The following BBOX1 variants were observed in gnomAD, a reference collection of about 807,000 sequenced individuals.
The protein encoded by BBOX1 is gamma-butyrobetaine hydroxylase 1, also known as gamma-butyrobetaine dioxygenase.
Under a neutral mutation model 41.6 loss-of-function variants are expected in BBOX1, and 35 were observed. The observed-to-expected ratio is 0.84, with a 90% CI of 0.64 to 1.11. The LOEUF (loss-of-function observed/expected upper bound fraction) is 1.11. Among genes scored for constraint, BBOX1 ranks in the 50% most tolerant of loss-of-function variants. The pLI, the probability that BBOX1 is intolerant of heterozygous loss-of-function variation, is 0.00. For synonymous variants in BBOX1, 163 were observed against 154.7 expected (o/e 1.05, Z -0.40); for missense variants, 458 against 460.6 (o/e 0.99, Z 0.05).
At chr11:27,079,707 A>G (rs753847117) in intron 4 of BBOX1, among the ~76,000 whole-genome samples, 7 of 152,110 alleles carry the variant, frequency 4.6e-5, no homozygotes, top group Non-Finnish European at 8.8e-5. Context: ...TTGAAACAAT[A>G]AGGAAAAAAA....
intron 2 of BBOX1, among the ~76,000 whole-genome samples, chr11:27,050,727 AG>A (rs1375006533): frequency 6.6e-6 from 1 of 152,102 alleles, no homozygotes; most frequent in Non-Finnish European, 1.5e-5. Context: ...TAGTTCTAAA[AG>A]TTTTTTCTGC....
intron 5 of BBOX1, among the ~76,000 whole-genome samples, chr11:27,105,468 C>T (rs537643202): frequency 1.4e-4 from 22 of 151,998 alleles, no homozygotes; most frequent in Non-Finnish European, 2.8e-4. Flanking sequence ...GTTGCAAATT[C>T]GATCAACTGG....
chr11:27,059,744 T>A (rs1357645120), intron 4 of BBOX1, among the ~76,000 whole-genome samples: 1 of 152,214 alleles, frequency 6.6e-6, no homozygotes, highest in Non-Finnish European at 1.5e-5. Flanking sequence ...GAGATAATTT[T>A]GGAGCCTTAA....
chr11:27,106,940 A>G (rs138308714), intron 5 of BBOX1, among the ~76,000 whole-genome samples: 1,628 of 152,296 alleles, frequency 0.011, 33 homozygotes, highest in African/African-American at 0.037. Context: ...AAACTCACTC[A>G]AAACCACTCA....
chr11:27,075,680 G>C (rs972872230), intron 4 of BBOX1, among the ~76,000 whole-genome samples: 7 of 152,162 alleles, frequency 4.6e-5, no homozygotes, highest in Non-Finnish European at 1.0e-4. Flanking sequence ...ATTCCAAGTA[G>C]AGTTGAATAT....
In BBOX1 at chr11:27,055,503, G is replaced by A. The variant is rs1487934961; in HGVS notation, c.73G>A (p.Glu25Lys). 6.2e-7 allele frequency: 1 copy of A among 1,614,074 alleles called. No homozygotes were observed. Among genetic ancestry groups the A allele is most frequent in the East Asian group, 2.2e-5 (1 of 44,874 alleles). Residue 25 changes from glutamate (E) to lysine (K), a missense_variant, in exon 3 of 9, where the codon GAA (glutamate) becomes AAA (lysine). By Grantham distance (56) the Glu-to-Lys change is moderately conservative. Transcript: ENST00000263182. ...GATGCAGATCCTCTGGTATGATGAG[G>A]AAGAGTCTCTCTACCCAGCTGTATG... Reference protein sequence around the residue: ...HLMQILWYDEEESLYPAVWLR... With the variant: ...HLMQILWYDEKESLYPAVWLR...
chr11:27,120,729 T>C (rs1360689174), intron 7 of BBOX1, among the ~76,000 whole-genome samples: 3 of 152,128 alleles, frequency 2.0e-5, no homozygotes, highest in Non-Finnish European at 4.4e-5. Flanking sequence ...GGGGGTATAA[T>C]TTTAGAATTT....
At chr11:27,078,273 A>T (rs1200678214) in intron 4 of BBOX1, among the ~76,000 whole-genome samples, 1 of 152,212 alleles carries the variant, frequency 6.6e-6, no homozygotes, top group Non-Finnish European at 1.5e-5. Context: ...CACTGGTAAC[A>T]TTGAAACAGC....
At chr11:27,087,076 T>A (rs925342621) in intron 4 of BBOX1, among the ~76,000 whole-genome samples, 3 of 152,102 alleles carry the variant, frequency 2.0e-5, no homozygotes, top group Non-Finnish European at 4.4e-5. Flanking sequence ...TGAGATGGAA[T>A]CTACTCCTGG....
chr11:27,059,419 T>G (rs961131807), intron 4 of BBOX1, among the ~76,000 whole-genome samples: 2 of 152,198 alleles, frequency 1.3e-5, no homozygotes, highest in African/African-American at 4.8e-5. Flanking sequence ...AGCAGAAGCC[T>G]GCTGCAGGGG....
At chr11:27,112,294 AGAAAAGCAAGGAAAT>A (rs1250580579) in intron 5 of BBOX1, among the ~76,000 whole-genome samples, 1 of 151,992 alleles carries the variant, frequency 6.6e-6, no homozygotes, top group Non-Finnish European at 1.5e-5. Context: ...AAAATTGTAA[AGAAAAGCAAGGAAAT>A]GATAGCTATA....
chr11:27,057,271 C>T lies in BBOX1; in HGVS notation c.290C>T (p.Ser97Phe). The change falls in exon 4 of 9, where the codon TCC becomes TTC. Residue 97 changes from serine to phenylalanine, a missense_variant. Ser to Phe is a radical substitution (Grantham distance 155). Transcript: ENST00000263182. ...GATTGGCTGAAGAAAAGATGCTTTTCCAAGCAGGCCAGAGCAAAGCTCCAA... is the reference window on the plus strand; with the variant it reads ...GATTGGCTGAAGAAAAGATGCTTTTTCAAGCAGGCCAGAGCAAAGCTCCAA... ...QADWLKKRCF[S>F]KQARAKLQRE... 1 of 1,611,468 alleles carries T rather than the reference C, an allele frequency of 6.2e-7. No homozygotes were observed. The highest frequency in any genetic ancestry group is 8.5e-7 in the Non-Finnish European group (1 of 1,179,384).
chr11:27,125,621 A>G (rs891642578), intron 7 of BBOX1, 33 bp from the exon 8 acceptor site: 32 of 1,433,872 alleles, frequency 2.2e-5, no homozygotes, highest in South Asian at 2.9e-5. Flanking sequence ...TATTTCATGA[A>G]TTATATATTA....
intron 5 of BBOX1, among the ~76,000 whole-genome samples, chr11:27,102,837 C>T (rs1858711395): frequency 1.3e-5 from 2 of 152,092 alleles, no homozygotes; most frequent in Non-Finnish European, 2.9e-5. Context: ...ATTATTGGGT[C>T]ACAGCATCTT....
chr11:27,087,724 T>C (rs540466234), intron 4 of BBOX1, among the ~76,000 whole-genome samples: 70 of 152,204 alleles, frequency 4.6e-4, no homozygotes, highest in African/African-American at 1.6e-3. Flanking sequence ...GTGAAAGTCA[T>C]ATTTAGCATA....
Position 27,093,266 on chromosome 11 carries a change from A to C in BBOX1, c.433A>C (p.Lys145Gln). ...EHAYKWLSTL[K>Q]KVGIVRLTGA... is the part of the protein sequence containing the mutation. ...CGCATACAAGTGGCTCTCCACCCTCAAGAAAGTAGGCATAGTAAGACTCAC... is the reference window on the plus strand; with the variant it reads ...CGCATACAAGTGGCTCTCCACCCTCCAGAAAGTAGGCATAGTAAGACTCAC... The change falls in exon 5 of 9, where the codon AAG becomes CAG. Residue 145 changes from lysine to glutamine, a missense_variant. Physicochemically the swap from Lys to Gln is moderately conservative, Grantham distance 53. Coordinates refer to ENST00000263182, the MANE Select transcript of BBOX1 (RefSeq NM_003986.3). The C allele has an allele frequency of 6.2e-7, 1 of 1,612,574 alleles. No homozygotes were observed. The highest frequency in any genetic ancestry group is 1.3e-5 in the African/African-American group (1 of 74,912).
In BBOX1 at chr11:27,119,800, T is replaced by G. The variant is rs1859400701; in HGVS notation, c.791T>G (p.Val264Gly). 3 of 1,580,488 alleles carry G rather than the reference T, an allele frequency of 1.9e-6. No individual in the cohort carries two copies. The highest frequency in any genetic ancestry group is 2.3e-5 in the East Asian group (1 of 43,272). ...TTTGTGGACTTTACAGACATTGGAG[T>G]GGATTACTGTGATTTTTCTGTACAA... is the stretch of plus-strand genomic sequence containing the variant. ...STFVDFTDIG[V>G]DYCDFSVQSK... Residue 264 changes from valine (V) to glycine (G), a missense_variant, in exon 7 of 9, where the codon GTG (valine) becomes GGG (glycine). Transcript: ENST00000263182.
At chr11:27,088,793 T>G (rs979907148) in intron 4 of BBOX1, among the ~76,000 whole-genome samples, 1 of 152,042 alleles carries the variant, frequency 6.6e-6, no homozygotes, top group African/African-American at 2.4e-5. Flanking sequence ...GCTGCATGAC[T>G]TGGAACTCTG....
intron 5 of BBOX1, among the ~76,000 whole-genome samples, chr11:27,105,542 AAAAAAGAGT>A (rs1858835070): frequency 6.6e-6 from 1 of 152,146 alleles, no homozygotes; most frequent in Non-Finnish European, 1.5e-5. Flanking sequence ...AAGTTTAGAG[AAAAAAGAGT>A]AAAAAGAAAC....
Sources: gnomAD v4.1 joint callset for allele counts (sites outside exome capture counted in the v4.1 genomes callset) on GRCh38, gnomAD v4.1.1 for gene constraint, MANE v1.5 for transcripts, NCBI Gene and HGNC (gene_info 2026-07-23, HGNC 2026-07-21) for gene names.